The following CNTN1 variants were observed in gnomAD, a reference collection of about 807,000 sequenced individuals.
The protein encoded by CNTN1 is contactin-1.
Under a neutral mutation model 126.4 loss-of-function variants are expected in CNTN1, and 38 were observed. That is an observed-to-expected ratio of 0.30 (90% confidence interval 0.23 to 0.39). CNTN1 has a LOEUF of 0.39. Ranked by LOEUF, CNTN1 falls within the 10% of genes least tolerant of loss-of-function variation. CNTN1 has a pLI of 1.00. For synonymous variants in CNTN1, 413 were observed against 422.6 expected, an observed-to-expected ratio of 0.98 and a Z score of 0.28; for missense variants, 1,009 against 1,248.4, an observed-to-expected ratio of 0.81 and a Z score of 2.89.
In CNTN1 at chr12:41,049,692, GTC is replaced by G. The variant is rs543523772; in HGVS notation, c.2981-20263_2981-20262del. Among the ~76,000 whole-genome samples, 278 of 152,208 alleles carry G rather than the reference GTC, an allele frequency of 1.8e-3. 2 individuals carry two copies. The highest frequency in any genetic ancestry group is 4.0e-3 in the Admixed American group (61 of 15,276). ...TTTAAAATATGTCAGCTCTTCTCAT[GTC>G]TCTGCACAAAAACCTTTAATGGCTT... is the stretch of plus-strand genomic sequence containing the variant. On this transcript the variant is annotated intron_variant, in intron 23 of 23. Transcript: ENST00000551295.
At chr12:41,019,633 T>A (rs914948893) in intron 19 of CNTN1, among the ~76,000 whole-genome samples, 1 of 152,192 alleles carries the variant, frequency 6.6e-6, no homozygotes, top group Non-Finnish European at 1.5e-5. Context: ...GTCAGTTACT[T>A]TTTTTCTGTG....
intron 1 of CNTN1, among the ~76,000 whole-genome samples, chr12:40,852,781 TCA>T (rs1942767347): frequency 6.6e-6 from 1 of 152,152 alleles, no homozygotes; most frequent in African/African-American, 2.4e-5. Flanking sequence ...TTTATGTATC[TCA>T]GTTACTATTA....
intron 17 of CNTN1, among the ~76,000 whole-genome samples, chr12:40,999,214 A>G (rs1948295175): frequency 6.6e-6 from 1 of 152,196 alleles, no homozygotes; most frequent in Admixed American, 6.5e-5. Context: ...TCATAAGGGA[A>G]TTACTATTAA....
chr12:40,943,366 T>C (rs1157314383), intron 12 of CNTN1, among the ~76,000 whole-genome samples: 1 of 152,012 alleles, frequency 6.6e-6, no homozygotes, highest in African/African-American at 2.4e-5. Flanking sequence ...GTTAGAAGAC[T>C]ACGGCAATAG....
intron 15 of CNTN1, among the ~76,000 whole-genome samples, chr12:40,979,444 T>C (rs1947765203): frequency 6.6e-6 from 1 of 152,074 alleles, no homozygotes; most frequent in Non-Finnish European, 1.5e-5. Flanking sequence ...AATATAAAGG[T>C]ATATATTTCA....
intron 1 of CNTN1, among the ~76,000 whole-genome samples, chr12:40,780,135 C>T (rs562432617): frequency 5.9e-5 from 9 of 151,966 alleles, no homozygotes; most frequent in East Asian, 1.9e-4. Context: ...TTTGGAGATA[C>T]GGCTGATCAG....
At chr12:40,911,857 TCA>T (rs1289173993) in intron 3 of CNTN1, among the ~76,000 whole-genome samples, 2 of 152,198 alleles carry the variant, frequency 1.3e-5, no homozygotes, top group Non-Finnish European at 2.9e-5. Context: ...AGTAATGGCA[TCA>T]CTCCCTGTCA....
At chr12:41,027,716 G>A in intron 21 of CNTN1, 141 bp from the exon 22 acceptor site, 1 of 697,484 alleles carries the variant, frequency 1.4e-6, no homozygotes, top group Admixed American at 2.0e-5. Context: ...GCTTAGCATA[G>A]TGCCTGGCAT....
chr12:40,931,101 G>C lies in CNTN1; in HGVS notation c.703+1099G>C, dbSNP rs956994636. On this transcript the variant is annotated intron_variant, in intron 7 of 23. Coordinates refer to ENST00000551295, the MANE Select transcript of CNTN1 (RefSeq NM_001843.4). ...GTTCACATTCCATTTGTTTCAATTA[G>C]AAACTTCACTACAACACTTATTTTC... 2.6e-5 allele frequency among the ~76,000 whole-genome samples: 4 copies of C among 152,036 alleles called. No individual in the cohort carries two copies. The East Asian group carries it at 7.7e-4, about 29-fold the overall frequency.
intron 17 of CNTN1, among the ~76,000 whole-genome samples, chr12:40,994,275 G>A (rs756956703): frequency 4.6e-5 from 7 of 152,000 alleles, no homozygotes; most frequent in Non-Finnish European, 5.9e-5. Flanking sequence ...TTCAAAGAAT[G>A]GTGTTCAGCT....
chr12:40,734,901 A>G (rs1942583523), intron 1 of CNTN1, among the ~76,000 whole-genome samples: 1 of 152,114 alleles, frequency 6.6e-6, no homozygotes, highest in Non-Finnish European at 1.5e-5. Context: ...TTATCAACTA[A>G]GTTGAGAAGA....
At chr12:40,828,478 G>T (rs1026208966) in intron 1 of CNTN1, among the ~76,000 whole-genome samples, 1 of 152,110 alleles carries the variant, frequency 6.6e-6, no homozygotes, top group Non-Finnish European at 1.5e-5. Flanking sequence ...GATAGTATTG[G>T]ACCATAGGGT....
At chr12:40,940,256 A>C (rs1280723100) in intron 12 of CNTN1, among the ~76,000 whole-genome samples, 1 of 152,062 alleles carries the variant, frequency 6.6e-6, no homozygotes, top group Non-Finnish European at 1.5e-5. Flanking sequence ...TGAGGAGTTT[A>C]GAATGTGTAA....
At chr12:40,720,443 C>T (rs184389340) in intron 1 of CNTN1, among the ~76,000 whole-genome samples, 3 of 151,446 alleles carry the variant, frequency 2.0e-5, no homozygotes, top group East Asian at 1.9e-4. Flanking sequence ...TACACACACA[C>T]GAGTCATGCA....
intron 1 of CNTN1, among the ~76,000 whole-genome samples, chr12:40,897,059 T>G (rs7300776): frequency 6.6e-6 from 1 of 151,998 alleles, no homozygotes; most frequent in African/African-American, 2.4e-5. Context: ...CTAAGCTAAA[T>G]GTTTTTATCT....
chr12:40,838,363 C>T (rs1469158870), intron 1 of CNTN1, among the ~76,000 whole-genome samples: 1 of 152,186 alleles, frequency 6.6e-6, no homozygotes, highest in Non-Finnish European at 1.5e-5. Flanking sequence ...TCTGCCATTG[C>T]TATTGCCATC....
At chr12:41,049,008 T>G (rs1168169018) in intron 23 of CNTN1, among the ~76,000 whole-genome samples, 1 of 152,176 alleles carries the variant, frequency 6.6e-6, no homozygotes, top group Non-Finnish European at 1.5e-5. Context: ...ATGTTTCTAA[T>G]TTAGGAGTAG....
chr12:40,819,596 A>G (rs577429144), intron 1 of CNTN1, among the ~76,000 whole-genome samples: 56 of 151,790 alleles, frequency 3.7e-4, no homozygotes, highest in Admixed American at 1.0e-3. Flanking sequence ...CCGCCCAGGG[A>G]GCTTAGCATG....
At chr12:40,752,628 T>G (rs949715706) in intron 1 of CNTN1, among the ~76,000 whole-genome samples, 1 of 152,074 alleles carries the variant, frequency 6.6e-6, no homozygotes, top group Non-Finnish European at 1.5e-5. Flanking sequence ...AATTCTACGG[T>G]ATAGTATATT....
Sources: gnomAD v4.1 joint callset for allele counts (sites outside exome capture counted in the v4.1 genomes callset) on GRCh38, gnomAD v4.1.1 for gene constraint, MANE v1.5 for transcripts, NCBI Gene and HGNC (gene_info 2026-07-23, HGNC 2026-07-21) for gene names.